The following FARP1 variants were observed in gnomAD, a reference collection of about 807,000 sequenced individuals.
FARP1 encodes FERM, ARH/RhoGEF and pleckstrin domain protein 1, also known as FERM, ARHGEF and pleckstrin domain-containing protein 1.
FARP1 carries 52 observed loss-of-function variants against 128.8 expected under a neutral mutation model. That is an observed-to-expected ratio of 0.40 (90% CI 0.32 to 0.51). FARP1 has a LOEUF of 0.51. Ranked by LOEUF, FARP1 falls within the 20% of genes least tolerant of loss-of-function variation. FARP1 has a pLI of 0.45. For missense variants in FARP1, 1,333 were observed against 1,367.9 expected, an observed-to-expected ratio of 0.97 and a Z score of 0.40; for synonymous variants, 580 against 551.8, an observed-to-expected ratio of 1.05 and a Z score of -0.72.
intron 2 of FARP1, among the ~76,000 whole-genome samples, chr13:98,249,249 G>T (rs1237155377): frequency 6.6e-6 from 1 of 152,102 alleles, no homozygotes; most frequent in Non-Finnish European, 1.5e-5. Flanking sequence ...GAATTTTCAG[G>T]TATCTTTTGT....
At chr13:98,208,996 T>C (rs1733469018) in intron 1 of FARP1, among the ~76,000 whole-genome samples, 1 of 152,150 alleles carries the variant, frequency 6.6e-6, no homozygotes, top group African/African-American at 2.4e-5. Context: ...TTTAACACTT[T>C]CCTGAGTTTT....
At chr13:98,215,716 G>A (rs918841796) in intron 2 of FARP1, among the ~76,000 whole-genome samples, 2 of 152,138 alleles carry the variant, frequency 1.3e-5, no homozygotes, top group African/African-American at 2.4e-5. Context: ...CTGTTAGAGT[G>A]AGTGTGAGTT....
At chr13:98,289,665 G>T (rs1444907303) in intron 2 of FARP1, among the ~76,000 whole-genome samples, 12 of 152,156 alleles carry the variant, frequency 7.9e-5, no homozygotes, top group Non-Finnish European at 2.9e-5. Context: ...GAGCCCTGCA[G>T]GACCCCTCTG....
chr13:98,378,907 A>G lies in FARP1; in HGVS notation c.496+989A>G, dbSNP rs1889708393. Among the ~76,000 whole-genome samples the G allele has an allele frequency of 3.6e-5, 4 of 110,862 alleles. 1 individual carries two copies. The South Asian group carries it at 1.1e-3, about 31-fold the overall frequency. 72.7% of individuals were successfully genotyped at this position (110,862 alleles called of 152,430 possible). A position where few individuals can be genotyped will look rare whatever the true frequency, so the allele number is the denominator to read the frequency against. On this transcript the variant is annotated intron_variant, in intron 6 of 26. Transcript: ENST00000319562. ...ATGTGCCAGCACTATATATATATAT[A>G]TAATATATATATAATATATACAATA...
chr13:98,413,817 T>A (rs10450809), intron 16 of FARP1, among the ~76,000 whole-genome samples: 24,035 of 152,222 alleles, frequency 0.16, 2,050 homozygotes, highest in Middle Eastern at 0.26. Flanking sequence ...AGAACCCATT[T>A]GGCAGTTTGT....
chr13:98,225,556 T>C (rs1881707119), intron 2 of FARP1, among the ~76,000 whole-genome samples: 1 of 152,230 alleles, frequency 6.6e-6, no homozygotes, highest in East Asian at 1.9e-4. Context: ...TTAAGGACCA[T>C]TTCTCTAAGG....
chr13:98,270,197 G>A (rs1031091220), intron 2 of FARP1, among the ~76,000 whole-genome samples: 1 of 152,164 alleles, frequency 6.6e-6, no homozygotes, highest in Non-Finnish European at 1.5e-5. Flanking sequence ...TTTTCCAGTG[G>A]TGCTTTCTTG....
chr13:98,434,510 C>T (rs1005478743), intron 18 of FARP1: 1 of 152,218 alleles, frequency 6.6e-6, no homozygotes, highest in Non-Finnish European at 1.5e-5. Flanking sequence ...GTTCTGAAGA[C>T]TGAAGTTCAG....
chr13:98,144,236 A>AG (rs200058365), intron 1 of FARP1, among the ~76,000 whole-genome samples: 2,277 of 149,836 alleles, frequency 0.015, 25 homozygotes, highest in African/African-American at 0.022. Context: ...GTTTTATTTG[A>AG]GGGGGGGAAA....
chr13:98,353,841 G>A (rs1179272515), intron 3 of FARP1, among the ~76,000 whole-genome samples: 1 of 152,196 alleles, frequency 6.6e-6, no homozygotes, highest in African/African-American at 2.4e-5. Context: ...TTTTGAGAGG[G>A]TAGATCTCAT....
At chr13:98,215,797 C>CTT (rs112489424) in intron 2 of FARP1, among the ~76,000 whole-genome samples, 12 of 145,724 alleles carry the variant, frequency 8.2e-5, no homozygotes, top group Admixed American at 2.1e-4. Context: ...TTCTTTTTCT[C>CTT]TTTTTTTTTT....
At chr13:98,213,532 G>C in intron 2 of FARP1, 119 bp downstream of exon 2, 2 of 1,016,056 alleles carry the variant, frequency 2.0e-6, no homozygotes, top group East Asian at 2.6e-5. Context: ...TGCATGTTCA[G>C]CACCTCCCTC....
At chr13:98,383,953 G>T (rs1420295321) in intron 6 of FARP1, 1 of 152,110 alleles carries the variant, frequency 6.6e-6, no homozygotes, top group Non-Finnish European at 1.5e-5. Flanking sequence ...TGCACCCACT[G>T]ACGTTCCTCT....
intron 2 of FARP1, chr13:98,338,456 T>C (rs1366538635): frequency 2.0e-5 from 3 of 152,264 alleles, no homozygotes; most frequent in Non-Finnish European, 4.4e-5. Context: ...ACAGTGTCTG[T>C]AAGTTTCATT....
chr13:98,240,355 T>A (rs1882695763), intron 2 of FARP1, among the ~76,000 whole-genome samples: 1 of 152,050 alleles, frequency 6.6e-6, no homozygotes, highest in Non-Finnish European at 1.5e-5. Context: ...GTGGTGATGG[T>A]GACGGTTGGA....
chr13:98,205,126 C>A (rs1566738057), intron 1 of FARP1, among the ~76,000 whole-genome samples: 1 of 152,142 alleles, frequency 6.6e-6, no homozygotes, highest in Non-Finnish European at 1.5e-5. Context: ...TGCCTAGCTG[C>A]CCAAATGATT....
chr13:98,427,927 T>C (rs1594524088), intron 17 of FARP1, among the ~76,000 whole-genome samples: 2 of 152,338 alleles, frequency 1.3e-5, no homozygotes, highest in East Asian at 1.9e-4. Flanking sequence ...GCTGTTTTTA[T>C]TGTTTTAAAG....
At chr13:98,340,400 A>C (rs1887916829) in intron 2 of FARP1, among the ~76,000 whole-genome samples, 2 of 152,146 alleles carry the variant, frequency 1.3e-5, no homozygotes. Flanking sequence ...GCTGGAGTGC[A>C]GTGGTGTGAT....
At chr13:98,362,209 C>T (rs1888901063) in intron 3 of FARP1, among the ~76,000 whole-genome samples, 1 of 152,192 alleles carries the variant, frequency 6.6e-6, no homozygotes. Context: ...GGCTGCGCCA[C>T]TGCACTCCAG....
Sources: allele counts gnomAD v4.1 joint callset (sites outside exome capture counted in the v4.1 genomes callset), GRCh38; gene constraint gnomAD v4.1.1; transcripts MANE v1.5; gene names NCBI Gene and HGNC (gene_info 2026-07-23, HGNC 2026-07-21).